GKAP1: variants seen among roughly 807,000 people sequenced by gnomAD.
The protein encoded by GKAP1 is G kinase-anchoring protein 1.
Under a neutral mutation model 56.7 loss-of-function variants are expected in GKAP1, and 31 were observed. That is an observed-to-expected ratio of 0.55 (90% CI 0.41 to 0.74). The LOEUF is 0.74. Among genes scored for constraint, GKAP1 ranks in the 30% least tolerant of loss-of-function variants. The pLI is 0.00. For synonymous variants in GKAP1, 151 were observed against 138.6 expected, an observed-to-expected ratio of 1.09 and a Z score of -0.63; for missense variants, 364 against 402.3, an observed-to-expected ratio of 0.90 and a Z score of 0.82.
rs541666512 is a variant in GKAP1, at chr9:83,799,535, G to A, written c.217-207C>T. 2.6e-5 allele frequency among the ~76,000 whole-genome samples: 4 copies of A among 152,232 alleles called. No homozygotes were observed. In the South Asian group the frequency reaches 8.3e-4, roughly 32 times the overall value. On this transcript the variant is annotated intron_variant, in intron 3 of 12. Transcript: ENST00000376371. Reference sequence around the variant, plus strand: ...GCCAGCATTTGAGATAATGTTGGTAGATCTATATATAAAATGATTAAGTGA... The same window carrying A: ...GCCAGCATTTGAGATAATGTTGGTAAATCTATATATAAAATGATTAAGTGA...
At chr9:83,765,773 G>A (rs182495521) in intron 8 of GKAP1, among the ~76,000 whole-genome samples, 13 of 152,270 alleles carry the variant, frequency 8.5e-5, no homozygotes, top group African/African-American at 3.1e-4. Flanking sequence ...CATTTGAAAT[G>A]GGCGTATTTA....
At chr9:83,749,764 A>C (rs1943356400) in intron 9 of GKAP1, among the ~76,000 whole-genome samples, 1 of 103,086 alleles carries the variant, frequency 9.7e-6, no homozygotes, top group South Asian at 3.0e-4. Flanking sequence ...CTGTCCATTA[A>C]ATTGTTGATG....
chr9:83,776,511 A>G (rs763113013), intron 7 of GKAP1, among the ~76,000 whole-genome samples: 4 of 152,264 alleles, frequency 2.6e-5, no homozygotes, highest in Non-Finnish European at 4.4e-5. Flanking sequence ...CCTGGCCAAC[A>G]TGGTGAAACC....
chr9:83,775,123 C>G (rs773874118), intron 7 of GKAP1, among the ~76,000 whole-genome samples: 5 of 151,762 alleles, frequency 3.3e-5, no homozygotes, highest in Non-Finnish European at 7.4e-5. Context: ...CCTGCCTCAG[C>G]ATCCAGAGTA....
intron 2 of GKAP1, among the ~76,000 whole-genome samples, chr9:83,811,754 C>T (rs1281173344): frequency 6.6e-6 from 1 of 152,090 alleles, no homozygotes; most frequent in Admixed American, 6.6e-5. Context: ...GTGGCAGCCA[C>T]TTCCCATTAT....
intron 10 of GKAP1, among the ~76,000 whole-genome samples, chr9:83,747,327 T>TG (rs1043288116): frequency 1.3e-5 from 2 of 152,174 alleles, no homozygotes; most frequent in African/African-American, 4.8e-5. Flanking sequence ...TTGATTTCCT[T>TG]GGCTTCCTGC....
At chr9:83,756,706 G>A (rs1321856667) in intron 8 of GKAP1, among the ~76,000 whole-genome samples, 2 of 152,058 alleles carry the variant, frequency 1.3e-5, no homozygotes, top group African/African-American at 4.8e-5. Flanking sequence ...GGATGATAAT[G>A]ATACCCACCA....
chr9:83,814,235 G>C (rs1227974428), intron 2 of GKAP1, among the ~76,000 whole-genome samples: 3 of 152,116 alleles, frequency 2.0e-5, no homozygotes, highest in Non-Finnish European at 2.9e-5. Context: ...GCTTTCTCTA[G>C]CAACCCTCTT....
chr9:83,800,441 C>T (rs1395636811), intron 3 of GKAP1, among the ~76,000 whole-genome samples: 3 of 149,720 alleles, frequency 2.0e-5, no homozygotes, highest in Non-Finnish European at 4.4e-5. Flanking sequence ...TCAAGCAATT[C>T]TCCTGCCTCA....
chr9:83,815,045 G>A (rs1279865219), intron 2 of GKAP1, among the ~76,000 whole-genome samples: 15 of 152,066 alleles, frequency 9.9e-5, no homozygotes, highest in African/African-American at 3.6e-4. Flanking sequence ...GGTGGCGCAC[G>A]CCTGTAGTCC....
At chr9:83,772,121 T>C (rs1205871530) in intron 7 of GKAP1, among the ~76,000 whole-genome samples, 1 of 151,930 alleles carries the variant, frequency 6.6e-6, no homozygotes, top group Non-Finnish European at 1.5e-5. Flanking sequence ...ATATGGCAAA[T>C]GTAAGAACAT....
At chr9:83,812,477 A>G (rs1437362555) in intron 2 of GKAP1, among the ~76,000 whole-genome samples, 4 of 151,016 alleles carry the variant, frequency 2.6e-5, no homozygotes, top group African/African-American at 9.7e-5. Flanking sequence ...CCTCCAGAGT[A>G]GCTGGGACTA....
At chr9:83,793,379 C>T (rs918145854) in intron 4 of GKAP1, among the ~76,000 whole-genome samples, 2 of 152,298 alleles carry the variant, frequency 1.3e-5, no homozygotes, top group East Asian at 3.9e-4. Context: ...GACTACATAT[C>T]TTTCAGTAAT....
intron 4 of GKAP1, among the ~76,000 whole-genome samples, chr9:83,796,799 T>C (rs981695033): frequency 6.6e-6 from 1 of 152,190 alleles, no homozygotes; most frequent in Admixed American, 6.5e-5. Context: ...GTCTCCCTTT[T>C]AATTTCTCTC....
chr9:83,795,141 A>C (rs1295431688), intron 4 of GKAP1, among the ~76,000 whole-genome samples: 1 of 139,254 alleles, frequency 7.2e-6, no homozygotes, highest in African/African-American at 2.7e-5. Flanking sequence ...GGGCGACAAG[A>C]GCGAGACTCC....
At chr9:83,797,545 T>C (rs563684213) in intron 4 of GKAP1, among the ~76,000 whole-genome samples, 1 of 152,346 alleles carries the variant, frequency 6.6e-6, no homozygotes. Flanking sequence ...ATTATTTTCT[T>C]CCAAGTGAGT....
At chr9:83,803,200 T>TA (rs2131317116) in intron 3 of GKAP1, among the ~76,000 whole-genome samples, 1 of 152,132 alleles carries the variant, frequency 6.6e-6, no homozygotes, top group South Asian at 2.1e-4. Flanking sequence ...TTCAATTAAA[T>TA]AAAGTATGAA....
intron 3 of GKAP1, among the ~76,000 whole-genome samples, chr9:83,801,969 C>T (rs1944338252): frequency 6.6e-6 from 1 of 152,042 alleles, no homozygotes; most frequent in Admixed American, 6.5e-5. Flanking sequence ...TTTTCTAAGT[C>T]TTGGGACATT....
rs182795711 is a variant in GKAP1 at position 83,793,708 on chromosome 9, A to G, written c.361-5030T>C. ...CACAATAAATTTTGAAATTAACAGG[A>G]CTCCAATACAGTGAATATAGAATAT... is the stretch of plus-strand genomic sequence containing the variant. On this transcript the variant is annotated intron_variant, in intron 4 of 12. Coordinates refer to ENST00000376371, the MANE Select transcript of GKAP1 (RefSeq NM_025211.4). 1.1e-4 allele frequency among the ~76,000 whole-genome samples: 16 copies of G among 152,326 alleles called. No individual in the cohort carries two copies. The East Asian group carries it at 2.7e-3, about 26-fold the overall frequency.
Sources: allele counts gnomAD v4.1 joint callset (sites outside exome capture counted in the v4.1 genomes callset), GRCh38; gene constraint gnomAD v4.1.1; transcripts MANE v1.5; gene names NCBI Gene and HGNC (gene_info 2026-07-23, HGNC 2026-07-21).